TPM4: variants seen among roughly 807,000 people sequenced by gnomAD.
The protein encoded by TPM4 is tropomyosin alpha-4 chain.
TPM4 carries 17 observed loss-of-function variants against 35.8 expected under a neutral mutation model. The ratio of observed to expected loss-of-function variants is 0.47; its 90% CI spans 0.32 to 0.71. TPM4 has a LOEUF of 0.71. TPM4 is among the 30% of genes least tolerant of loss of function. The pLI is 0.03. For missense variants in TPM4, 240 were observed against 320.9 expected, an observed-to-expected ratio of 0.75 and a Z score of 1.93; for synonymous variants, 120 against 122.9, an observed-to-expected ratio of 0.98 and a Z score of 0.15.
rs987285166 is a variant in TPM4 at position 16,070,193 on chromosome 19, T to C, written c.114+2455T>C. Among the ~76,000 whole-genome samples, 1 of 151,970 alleles carries C rather than the reference T, an allele frequency of 6.6e-6. No individual in the cohort carries two copies. The highest frequency in any genetic ancestry group is 2.4e-5 in the African/African-American group (1 of 41,354). On this transcript the variant is annotated intron_variant, in intron 2 of 2. Transcript: ENST00000589897. The surrounding 1 kb of genome is among the most constrained non-coding windows in gnomAD (Gnocchi z 7.4). ...CGGAGGAGAGGGAGGCCATTTCCCA[T>C]CTCCTGGCAGCCAAGAGCCCACACA...
At chr19:16,076,400 T>C, upstream of TPM4, 1 of 1,376,462 alleles carries the variant, frequency 7.3e-7, no homozygotes, top group South Asian at 1.7e-5. Flanking sequence ...TCCGGCCGGG[T>C]GACCTCATCG....
chr19:16,077,014 G>T (rs1362079130), intron 1 of TPM4: 3 of 307,598 alleles, frequency 9.8e-6, no homozygotes, highest in Non-Finnish European at 1.6e-5. Flanking sequence ...GCGGGAGGGG[G>T]CGTATCGTGC....
At chr19:16,095,220 C>A in intron 7 of TPM4, 1 of 1,014,680 alleles carries the variant, frequency 9.9e-7, no homozygotes, top group Non-Finnish European at 1.2e-6. Context: ...GCCTTCTGTC[C>A]CCTGTACTTC....
At chr19:16,073,934 C>A (rs2090377618), upstream of TPM4, among the ~76,000 whole-genome samples, 3 of 25,500 alleles carry the variant, frequency 1.2e-4, no homozygotes, top group East Asian at 1.4e-3. Context: ...ACAGGAAGAC[C>A]ATGTAAAAAA....
chr19:16,093,173 GT>G (rs34021207), intron 5 of TPM4: 55 of 179,774 alleles, frequency 3.1e-4, no homozygotes, highest in East Asian at 6.4e-4. Flanking sequence ...CTTTCTTTCT[GT>G]TTTTTTTTTG....
chr19:16,079,997 C>G (rs138745777), intron 1 of TPM4: 1 of 181,590 alleles, frequency 5.5e-6, no homozygotes, highest in Admixed American at 6.3e-5. Context: ...CCACCGCGCC[C>G]GGCCTTCCTA....
At chr19:16,084,408 C>T (rs558963470) in intron 2 of TPM4, among the ~76,000 whole-genome samples, 1 of 152,318 alleles carries the variant, frequency 6.6e-6, no homozygotes, top group African/African-American at 2.4e-5. Flanking sequence ...GCTCCGGCAG[C>T]CACGGGGCAG....
intron 1 of TPM4, chr19:16,080,278 C>T (rs544788464): frequency 4.8e-6 from 1 of 207,496 alleles, no homozygotes; most frequent in African/African-American, 2.3e-5. Flanking sequence ...CCACTTCCCC[C>T]AGTGGGGCCC....
intron 1 of TPM4, among the ~76,000 whole-genome samples, chr19:16,078,308 G>A (rs1232547140): frequency 6.6e-6 from 1 of 152,150 alleles, no homozygotes; most frequent in African/African-American, 2.4e-5. Context: ...GATGAGGGTG[G>A]GGGGGTGTGC....
intron 5 of TPM4, among the ~76,000 whole-genome samples, chr19:16,092,275 G>C (rs1263375832): frequency 6.6e-6 from 1 of 152,096 alleles, no homozygotes; most frequent in Non-Finnish European, 1.5e-5. Context: ...ACAGGGACTG[G>C]GACTCAGGAG....
At chr19:16,076,010 C>G, upstream of TPM4, 1 of 1,592,118 alleles carries the variant, frequency 6.3e-7, no homozygotes, top group South Asian at 1.1e-5. Flanking sequence ...GTGACCCCCC[C>G]CCCAGGCTGA....
upstream of TPM4, among the ~76,000 whole-genome samples, chr19:16,073,074 T>C (rs57244298): frequency 0.018 from 2,778 of 151,588 alleles, 101 homozygotes; most frequent in African/African-American, 0.064. Context: ...CCAGGTGGGG[T>C]GGCTCATGCC....
chr19:16,070,307 A>G lies in TPM4; in HGVS notation c.114+2569A>G, dbSNP rs771567275. 2.0e-5 allele frequency among the ~76,000 whole-genome samples: 3 copies of G among 152,148 alleles called. No individual in the cohort carries two copies. Among genetic ancestry groups the G allele is most frequent in the Non-Finnish European group, 4.4e-5 (3 of 68,016 alleles). ...AGGCCGTGGCCATGGTTTGGGGCAG[A>G]GCAGACAGGAGCAGTGGGTGGGAGG... is the stretch of plus-strand genomic sequence containing the variant. On this transcript the variant is annotated intron_variant, in intron 2 of 2. Coordinates refer to the TPM4 transcript ENST00000589897. This position sits in a 1 kb window ranked among gnomAD's most constrained non-coding sequence, Gnocchi z 7.4.
At chr19:16,091,344 G>T (rs538632819) in intron 5 of TPM4, among the ~76,000 whole-genome samples, 1 of 152,274 alleles carries the variant, frequency 6.6e-6, no homozygotes, top group South Asian at 2.1e-4. Context: ...GAGCCACTGT[G>T]CCCAGCCTGG....
intron 5 of TPM4, 65 bp from the exon 6 acceptor site, chr19:16,093,471 G>C: frequency 6.3e-7 from 1 of 1,592,612 alleles, no homozygotes; most frequent in Non-Finnish European, 8.6e-7. Flanking sequence ...CAGGATTCCA[G>C]GCATGAGCCA....
At chr19:16,073,963 C>CAAAAA (rs34116610), upstream of TPM4, among the ~76,000 whole-genome samples, 5 of 71,882 alleles carry the variant, frequency 7.0e-5, no homozygotes, top group Admixed American at 2.2e-4. Flanking sequence ...AAAAAAAACG[C>CAAAAA]AAAAAAAAAA....
chr19:16,089,043 A>G lies in TPM4; in HGVS notation c.456-2A>G. ...ACACAAAAATCCTTTGTCTTTGTGCAGAAAATGTGGTGACCTGGAAGAAGA... is the reference window on the plus strand; with the variant it reads ...ACACAAAAATCCTTTGTCTTTGTGCGGAAAATGTGGTGACCTGGAAGAAGA... On this transcript the variant is annotated splice_acceptor_variant, in intron 4 of 7. Coordinates refer to ENST00000643579, the MANE Select transcript of TPM4 (RefSeq NM_003290.3). LOFTEE classifies it high-confidence loss of function. 6.2e-7 allele frequency: 1 copy of G among 1,614,118 alleles called. No individual in the cohort carries two copies. The highest frequency in any genetic ancestry group is 8.5e-7 in the Non-Finnish European group (1 of 1,179,994).
chr19:16,092,358 G>T (rs536483049), intron 5 of TPM4, among the ~76,000 whole-genome samples: 1 of 151,876 alleles, frequency 6.6e-6, no homozygotes, highest in African/African-American at 2.4e-5. Context: ...AAATACAGAG[G>T]GGGCCTTGAG....
chr19:16,081,074 T>G (rs2090476914), intron 1 of TPM4: 4 of 398,408 alleles, frequency 1.0e-5, no homozygotes, highest in Non-Finnish European at 1.8e-5. Flanking sequence ...CGTCCCACCT[T>G]GGTAATTGCA....
Sources: gnomAD v4.1 joint callset for allele counts (sites outside exome capture counted in the v4.1 genomes callset) on GRCh38, gnomAD v4.1.1 for gene constraint, Gnocchi (gnomAD v3.1) non-coding constraint, MANE v1.5 for transcripts, NCBI Gene and HGNC (gene_info 2026-07-23, HGNC 2026-07-21) for gene names.